Variants in LGSN observed in about 807,000 individuals in gnomAD.
LGSN encodes lengsin, lens protein with glutamine synthetase domain, also known as lengsin.
LGSN carries 21 observed loss-of-function variants against 19.5 expected under a neutral mutation model. The ratio of observed to expected loss-of-function variants is 1.07; its 90% CI spans 0.76 to 1.55. The LOEUF (loss-of-function observed/expected upper bound fraction) is 1.55. Ranked by LOEUF, LGSN falls within the 40% of genes most tolerant of loss-of-function variation. The probability of loss-of-function intolerance (pLI) is 0.00; values close to 1 mark genes in which losing one functional copy is unlikely to be tolerated. For synonymous variants in LGSN, 257 were observed against 215.6 expected, an observed-to-expected ratio of 1.19 and a Z score of -1.68; for missense variants, 673 against 608.5, an observed-to-expected ratio of 1.11 and a Z score of -1.12.
At chr6:63,325,970 T>G in the LGSN span, among the ~76,000 whole-genome samples, 34 of 152,232 alleles carry the variant, frequency 2.2e-4, no homozygotes, top group African/African-American at 7.7e-4. Context: ...CACATCCCGC[T>G]GATTGGTAGA....
At chr6:63,310,250 C>A (rs1007766524) in intron 1 of LGSN, among the ~76,000 whole-genome samples, 1 of 152,128 alleles carries the variant, frequency 6.6e-6, no homozygotes, top group Admixed American at 6.6e-5. Context: ...ATGTAGCCAT[C>A]CATTACAAAA....
At chr6:63,323,043 AT>A (rs1407827023), upstream of LGSN, among the ~76,000 whole-genome samples, 3 of 152,214 alleles carry the variant, frequency 2.0e-5, no homozygotes, top group Non-Finnish European at 4.4e-5. Flanking sequence ...TTAATTTAGC[AT>A]TTTCAATGAT....
At chr6:63,414,658 C>T in the LGSN span, among the ~76,000 whole-genome samples, 11 of 152,218 alleles carry the variant, frequency 7.2e-5, no homozygotes, top group Non-Finnish European at 1.0e-4. Context: ...GGCGCGATGG[C>T]GCGTGCCTGT....
chr6:63,550,786 G>A, the LGSN span, among the ~76,000 whole-genome samples: 7 of 151,852 alleles, frequency 4.6e-5, no homozygotes, highest in South Asian at 2.1e-4. Flanking sequence ...CACCATGCCC[G>A]TCTAATTTTT....
the LGSN span, among the ~76,000 whole-genome samples, chr6:63,401,220 T>C: frequency 6.6e-6 from 1 of 150,470 alleles, no homozygotes; most frequent in East Asian, 2.0e-4. Flanking sequence ...TAGAGAGACC[T>C]AATCTCTGCC....
chr6:63,443,496 C>T, the LGSN span: 3 of 437,972 alleles, frequency 6.8e-6, no homozygotes, highest in Non-Finnish European at 9.8e-6. Context: ...CACCTCTCAC[C>T]TTTGCACCAG....
intron 1 of LGSN, among the ~76,000 whole-genome samples, chr6:63,299,062 C>T (rs563510870): frequency 5.3e-5 from 8 of 151,774 alleles, no homozygotes; most frequent in South Asian, 2.1e-4. Flanking sequence ...CTATCCATAC[C>T]GAGTCCACAC....
the LGSN span, among the ~76,000 whole-genome samples, chr6:63,518,113 T>C: frequency 7.2e-6 from 1 of 138,462 alleles, no homozygotes; most frequent in Non-Finnish European, 1.5e-5. Context: ...GATAGTACCA[T>C]ATCGCACTCC....
the LGSN span, among the ~76,000 whole-genome samples, chr6:63,536,561 T>C: frequency 6.6e-6 from 1 of 152,236 alleles, no homozygotes; most frequent in Non-Finnish European, 1.5e-5. Context: ...TCACCACTTA[T>C]ATTTTATCCA....
upstream of LGSN, among the ~76,000 whole-genome samples, chr6:63,322,197 G>A (rs1348449280): frequency 1.3e-5 from 2 of 152,166 alleles, no homozygotes; most frequent in Non-Finnish European, 2.9e-5. Context: ...CTTTCACTGT[G>A]GGAGAAAATG....
the LGSN span, among the ~76,000 whole-genome samples, chr6:63,364,849 C>T: frequency 6.6e-6 from 1 of 152,122 alleles, no homozygotes; most frequent in African/African-American, 2.4e-5. Context: ...GGGTACATAA[C>T]AAAATGAAGG....
chr6:63,418,956 A>G, the LGSN span, among the ~76,000 whole-genome samples: 1 of 152,176 alleles, frequency 6.6e-6, no homozygotes, highest in Non-Finnish European at 1.5e-5. Flanking sequence ...GCCTAGCAGT[A>G]ATGAAGCAAC....
intron 1 of LGSN, among the ~76,000 whole-genome samples, chr6:63,297,067 C>T (rs903438285): frequency 1.3e-5 from 2 of 152,090 alleles, no homozygotes; most frequent in South Asian, 2.1e-4. Flanking sequence ...ACTGACCAGG[C>T]GCGGTGGCTC....
At chr6:63,412,506 G>C in the LGSN span, among the ~76,000 whole-genome samples, 3 of 95,382 alleles carry the variant, frequency 3.1e-5, no homozygotes, top group African/African-American at 1.5e-4. Flanking sequence ...AAGAAAGAAA[G>C]AAAGAAAGAA....
chr6:63,552,260 T>G, the LGSN span, among the ~76,000 whole-genome samples: 37 of 152,220 alleles, frequency 2.4e-4, no homozygotes, highest in East Asian at 1.5e-3. Context: ...TTGTGGTTTT[T>G]ATTTGCATTT....
chr6:63,412,818 G>GAAAGGAAA, the LGSN span, among the ~76,000 whole-genome samples: 2 of 143,346 alleles, frequency 1.4e-5, no homozygotes, highest in African/African-American at 5.3e-5. Flanking sequence ...AGGAAGGAAA[G>GAAAGGAAA]GAAGGAAAGG....
chr6:63,556,214 C>A, the LGSN span, among the ~76,000 whole-genome samples: 1 of 151,950 alleles, frequency 6.6e-6, no homozygotes, highest in Non-Finnish European at 1.5e-5. Context: ...TGCTTTGTTG[C>A]AGTGCCACAA....
chr6:63,345,636 C>A, the LGSN span, among the ~76,000 whole-genome samples: 3 of 152,144 alleles, frequency 2.0e-5, no homozygotes, highest in Admixed American at 2.0e-4. Flanking sequence ...TTTCAGGCAG[C>A]AGGAAAGCCC....
the LGSN span, among the ~76,000 whole-genome samples, chr6:63,442,069 GAC>G: frequency 6.6e-6 from 1 of 152,228 alleles, no homozygotes; most frequent in African/African-American, 2.4e-5. Flanking sequence ...GTGAGGCGCA[GAC>G]CTTTGCTGTG....
Sources: gnomAD v4.1 joint callset for allele counts (sites outside exome capture counted in the v4.1 genomes callset) on GRCh38, gnomAD v4.1.1 for gene constraint, MANE v1.5 for transcripts, NCBI Gene and HGNC (gene_info 2026-07-23, HGNC 2026-07-21) for gene names.